GRIA4: variants seen among roughly 807,000 people sequenced by gnomAD.
GRIA4 encodes the protein glutamate ionotropic receptor AMPA type subunit 4, also known as glutamate receptor 4.
A neutral mutation model predicts 104.0 loss-of-function variants in GRIA4; 34 were observed. The ratio of observed to expected loss-of-function variants is 0.33; its 90% CI spans 0.25 to 0.44. The LOEUF is 0.44. GRIA4 is among the 20% of genes least tolerant of loss of function. The pLI is 1.00. For missense variants in GRIA4, 750 were observed against 1,096.5 expected, an observed-to-expected ratio of 0.68 and a Z score of 4.46; for synonymous variants, 386 against 381.9, an observed-to-expected ratio of 1.01 and a Z score of -0.13.
At chr11:105,860,522 A>G (rs1945180800) in intron 4 of GRIA4, among the ~76,000 whole-genome samples, 1 of 152,240 alleles carries the variant, frequency 6.6e-6, no homozygotes, top group South Asian at 2.1e-4. Flanking sequence ...TTTGTTAAAG[A>G]GGACTAGAAT....
chr11:105,772,047 T>C (rs1049449714), intron 4 of GRIA4, among the ~76,000 whole-genome samples: 1 of 152,100 alleles, frequency 6.6e-6, no homozygotes, highest in Non-Finnish European at 1.5e-5. Context: ...ACTAATCCAC[T>C]GTAATAATTT....
intron 3 of GRIA4, among the ~76,000 whole-genome samples, chr11:105,691,874 G>T (rs1187327374): frequency 6.9e-6 from 1 of 144,188 alleles, no homozygotes; most frequent in African/African-American, 2.6e-5. Context: ...GGCGGAGGTT[G>T]CAGTGAGCCG....
At chr11:105,924,191 T>C (rs561051417) in intron 11 of GRIA4, among the ~76,000 whole-genome samples, 8 of 152,188 alleles carry the variant, frequency 5.3e-5, no homozygotes, top group Non-Finnish European at 1.2e-4. Context: ...CTGGAACATA[T>C]TAAAATGTTT....
intron 5 of GRIA4, among the ~76,000 whole-genome samples, chr11:105,873,740 A>G (rs981681453): frequency 6.6e-6 from 1 of 152,084 alleles, no homozygotes; most frequent in African/African-American, 2.4e-5. Context: ...GTCTGTTCAT[A>G]TACTTTGCTC....
At chr11:105,655,445 C>T (rs965796031) in intron 3 of GRIA4, among the ~76,000 whole-genome samples, 2 of 151,994 alleles carry the variant, frequency 1.3e-5, no homozygotes, top group African/African-American at 4.8e-5. Context: ...CCCATCAGCC[C>T]ATCATCTACA....
intron 4 of GRIA4, among the ~76,000 whole-genome samples, chr11:105,857,320 C>T (rs1945042924): frequency 6.6e-6 from 1 of 152,112 alleles, no homozygotes; most frequent in Admixed American, 6.6e-5. Flanking sequence ...TTGAATCCAC[C>T]AGTTTTGGAT....
At chr11:105,630,271 T>A (rs767333551) in intron 3 of GRIA4, among the ~76,000 whole-genome samples, 22 of 152,174 alleles carry the variant, frequency 1.4e-4, no homozygotes, top group Non-Finnish European at 2.8e-4. Flanking sequence ...TAGCATTAAA[T>A]TAACACCCAC....
At chr11:105,845,618 C>T (rs926939754) in intron 4 of GRIA4, among the ~76,000 whole-genome samples, 5 of 152,170 alleles carry the variant, frequency 3.3e-5, no homozygotes, top group African/African-American at 7.2e-5. Flanking sequence ...CACGGTGGCT[C>T]ACGCCTGTAA....
rs1298389813 is a variant in GRIA4 at position 105,981,796 on chromosome 11, C to T, written c.*2057C>T. ...CCCTGTCTCCTCTTTACCTGAGTAA[C>T]TTGTACTCATCCTTCAATACTCCAA... On this transcript the variant is annotated 3_prime_UTR_variant, in exon 17 of 17. Coordinates refer to ENST00000282499, the MANE Select transcript of GRIA4 (RefSeq NM_000829.4). The T allele has an allele frequency of 1.3e-5, 2 of 152,710 alleles. No homozygotes were observed. The highest frequency in any genetic ancestry group is 4.8e-5 in the African/African-American group (2 of 41,432). 9.5% of individuals were successfully genotyped at this position (152,710 alleles called of 1,614,324 possible). A position where few individuals can be genotyped will look rare whatever the true frequency, so the allele number is the denominator to read the frequency against.
intron 4 of GRIA4, among the ~76,000 whole-genome samples, chr11:105,820,731 A>T (rs7950549): frequency 0.019 from 2,880 of 152,136 alleles, 80 homozygotes; most frequent in African/African-American, 0.065. Context: ...AGTCTATAGC[A>T]TTCTGTCAAT....
intron 13 of GRIA4, among the ~76,000 whole-genome samples, chr11:105,932,903 A>G (rs1306711330): frequency 6.6e-6 from 1 of 152,090 alleles, no homozygotes; most frequent in East Asian, 1.9e-4. Context: ...ATATCTTACT[A>G]GAATCATGTA....
Position 105,933,939 on chromosome 11 carries a change from G to A in GRIA4, c.2264G>A (p.Gly755Glu). ...GGAAATCTGGATTCCAAAGGCTATG[G>A]AGTAGCAACGCCCAAGGGTTCCTCA... ...VGGNLDSKGY[G>E]VATPKGSSLR... The change falls in exon 14 of 17, where the codon GGA (glycine) becomes GAA (glutamate). Residue 755 changes from glycine (G) to glutamate (E), a missense_variant. Physicochemically the swap from Gly to Glu is moderately conservative, Grantham distance 98. Coordinates refer to ENST00000282499, the MANE Select transcript of GRIA4 (RefSeq NM_000829.4). 1 of 1,613,134 alleles carries A rather than the reference G, an allele frequency of 6.2e-7. No individual in the cohort carries two copies. The highest frequency in any genetic ancestry group is 8.5e-7 in the Non-Finnish European group (1 of 1,179,288).
chr11:105,935,345 A>T (rs1313854267), intron 14 of GRIA4, among the ~76,000 whole-genome samples: 1 of 152,214 alleles, frequency 6.6e-6, no homozygotes, highest in Non-Finnish European at 1.5e-5. Context: ...TACATTCCAT[A>T]TGAAATTGAA....
At chr11:105,715,121 A>G (rs948261408) in intron 3 of GRIA4, among the ~76,000 whole-genome samples, 28 of 152,186 alleles carry the variant, frequency 1.8e-4, no homozygotes, top group Non-Finnish European at 7.3e-5. Context: ...AATCAGTGTA[A>G]ATCAGCGTAG....
chr11:105,760,539 T>C (rs1940569359), intron 4 of GRIA4, among the ~76,000 whole-genome samples: 1 of 152,184 alleles, frequency 6.6e-6, no homozygotes, highest in South Asian at 2.1e-4. Context: ...CAAGGTTATA[T>C]TGGCCTTCTA....
chr11:105,685,287 G>T (rs1952843595), intron 3 of GRIA4, among the ~76,000 whole-genome samples: 1 of 152,102 alleles, frequency 6.6e-6, no homozygotes, highest in Non-Finnish European at 1.5e-5. Flanking sequence ...TGTCTCTTAA[G>T]AAATGGATGA....
Position 105,726,887 on chromosome 11 carries a change from A to G in GRIA4, c.248-26094A>G, listed in dbSNP as rs139675123. ...CAAAAACTCCATCCAAAGGTCACCA[A>G]CAGCAAAGACCAAAGGTAGATAAAT... On this transcript the variant is annotated intron_variant, in intron 3 of 16. Coordinates refer to ENST00000282499, the MANE Select transcript of GRIA4 (RefSeq NM_000829.4). Among the ~76,000 whole-genome samples the G allele has an allele frequency of 5.0e-3, 768 of 152,284 alleles. 16 individuals are homozygous for G. The highest frequency in any genetic ancestry group is 0.017 in the African/African-American group (717 of 41,568).
intron 16 of GRIA4, among the ~76,000 whole-genome samples, chr11:105,975,582 C>T (rs1047733524): frequency 6.6e-6 from 1 of 151,974 alleles, no homozygotes; most frequent in Non-Finnish European, 1.5e-5. Flanking sequence ...GACTCTAAAA[C>T]CCATTTTCTA....
intron 5 of GRIA4, among the ~76,000 whole-genome samples, chr11:105,882,924 T>C (rs1268651808): frequency 2.6e-5 from 4 of 152,194 alleles, no homozygotes; most frequent in Non-Finnish European, 5.9e-5. Flanking sequence ...GAAGATTGGT[T>C]ATGCCATAAT....
Sources: allele counts gnomAD v4.1 joint callset (sites outside exome capture counted in the v4.1 genomes callset), GRCh38; gene constraint gnomAD v4.1.1; transcripts MANE v1.5; gene names NCBI Gene and HGNC (gene_info 2026-07-23, HGNC 2026-07-21).